CAMK1D: variants seen among roughly 807,000 people sequenced by gnomAD.
CAMK1D encodes the protein calcium/calmodulin-dependent protein kinase type 1D.
CAMK1D carries 9 observed loss-of-function variants against 47.7 expected under a neutral mutation model. That is an observed-to-expected ratio of 0.19 (90% CI 0.11 to 0.33). CAMK1D has a LOEUF of 0.33. Among genes scored for constraint, CAMK1D ranks in the 10% least tolerant of loss-of-function variants. The pLI is 1.00. For synonymous variants in CAMK1D, 184 were observed against 184.9 expected (o/e 0.99, Z 0.04); for missense variants, 291 against 488.7 (o/e 0.60, Z 3.81).
At chr10:12,619,664 A>G (rs969775589) in intron 2 of CAMK1D, among the ~76,000 whole-genome samples, 1 of 152,178 alleles carries the variant, frequency 6.6e-6, no homozygotes, top group Non-Finnish European at 1.5e-5. Flanking sequence ...TTCACATACA[A>G]TTATAAGAAA....
chr10:12,777,426 G>A (rs543466316), intron 5 of CAMK1D, among the ~76,000 whole-genome samples: 4 of 137,922 alleles, frequency 2.9e-5, no homozygotes, highest in African/African-American at 1.1e-4. Flanking sequence ...AGCCTGGAGT[G>A]CAGTGGCACG....
chr10:12,501,658 T>C (rs77088113), intron 1 of CAMK1D, among the ~76,000 whole-genome samples: 1 of 143,964 alleles, frequency 6.9e-6, no homozygotes, highest in African/African-American at 2.6e-5. Context: ...TGATTTTTTT[T>C]CCCGCCAGGG....
At chr10:12,399,505 A>C (rs1839095123) in intron 1 of CAMK1D, among the ~76,000 whole-genome samples, 1 of 147,074 alleles carries the variant, frequency 6.8e-6, no homozygotes, top group African/African-American at 2.6e-5. Flanking sequence ...CTCCGTCTGA[A>C]AAAAAAAAAA....
chr10:12,817,176 G>A (rs550658647), intron 8 of CAMK1D, among the ~76,000 whole-genome samples: 5 of 152,278 alleles, frequency 3.3e-5, no homozygotes, highest in African/African-American at 7.2e-5. Flanking sequence ...CCCACAACAC[G>A]TGGGAATTCA....
intron 10 of CAMK1D, among the ~76,000 whole-genome samples, chr10:12,828,233 G>C (rs1174264088): frequency 6.6e-6 from 1 of 152,280 alleles, no homozygotes; most frequent in East Asian, 1.9e-4. Context: ...CAAACACAAA[G>C]CAGTTAAAAT....
At position 12,635,464 on chromosome 10, in the gene CAMK1D, C is replaced by A. The variant is rs372830144; in HGVS notation, c.225-31272C>A. The stretch of plus-strand genomic sequence containing the variant: ...ATTCACCAATGGCTTGTTGAGTACC[C>A]CCTAAGCCCACGGCGCAGTGCAGGA... On this transcript the variant is annotated intron_variant, in intron 2 of 10. Coordinates refer to ENST00000619168, the MANE Select transcript of CAMK1D (RefSeq NM_153498.4). 1.1e-4 allele frequency among the ~76,000 whole-genome samples: 17 copies of A among 152,250 alleles called. No individual in the cohort carries two copies. In the South Asian group the frequency reaches 3.3e-3, roughly 30 times the overall value.
intron 1 of CAMK1D, among the ~76,000 whole-genome samples, chr10:12,361,594 G>C (rs113221014): frequency 0.061 from 7,891 of 129,838 alleles, 550 homozygotes; most frequent in African/African-American, 0.17. Flanking sequence ...CTCGCTCTGT[G>C]GCCCAGGCTG....
intron 5 of CAMK1D, among the ~76,000 whole-genome samples, chr10:12,773,757 G>A (rs905056851): frequency 8.5e-5 from 13 of 152,146 alleles, no homozygotes; most frequent in African/African-American, 3.1e-4. Context: ...AGCCAGGCAA[G>A]GTGGCAGGCG....
At chr10:12,387,627 C>T (rs1321695871) in intron 1 of CAMK1D, among the ~76,000 whole-genome samples, 2 of 149,508 alleles carry the variant, frequency 1.3e-5, no homozygotes, top group Admixed American at 6.7e-5. Flanking sequence ...CCACTTCAGC[C>T]TCCTGAGTAG....
chr10:12,612,116 C>G (rs149640003), intron 2 of CAMK1D, among the ~76,000 whole-genome samples: 13 of 151,698 alleles, frequency 8.6e-5, no homozygotes, highest in African/African-American at 3.2e-4. Context: ...GCTTTCTGTC[C>G]TCTCTTTCTC....
chr10:12,767,375 C>G (rs925996435), intron 4 of CAMK1D, among the ~76,000 whole-genome samples: 3 of 152,080 alleles, frequency 2.0e-5, no homozygotes, highest in African/African-American at 7.2e-5. Context: ...CGGGGTTTCT[C>G]CATGTTGGTC....
chr10:12,601,394 G>A (rs1313688108), intron 2 of CAMK1D, among the ~76,000 whole-genome samples: 3 of 152,118 alleles, frequency 2.0e-5, no homozygotes, highest in Non-Finnish European at 4.4e-5. Flanking sequence ...CTGTGACCTG[G>A]CACGTGTGTG....
At chr10:12,427,489 G>A (rs568517074) in intron 1 of CAMK1D, among the ~76,000 whole-genome samples, 1 of 152,036 alleles carries the variant, frequency 6.6e-6, no homozygotes, top group African/African-American at 2.4e-5. Flanking sequence ...AAGTGGCCTG[G>A]GTGACACCGT....
chr10:12,702,570 G>A (rs546202065), intron 3 of CAMK1D, among the ~76,000 whole-genome samples: 1 of 152,346 alleles, frequency 6.6e-6, no homozygotes, highest in East Asian at 1.9e-4. Flanking sequence ...AGTGTGGGCC[G>A]CACCTGTGCC....
rs562002804 is a variant in CAMK1D at position 12,801,966 on chromosome 10, A to G, written c.641+10733A>G. On this transcript the variant is annotated intron_variant, in intron 6 of 10. Coordinates refer to ENST00000619168, the MANE Select transcript of CAMK1D (RefSeq NM_153498.4). ...TCCTCTGACTTCCTGGCTGAGGAAG[A>G]CTTGCCACACAAGGAAAAAGTCGCC... 1.2e-4 allele frequency among the ~76,000 whole-genome samples: 18 copies of G among 152,286 alleles called. No homozygotes were observed. The South Asian group carries it at 3.5e-3, about 30-fold the overall frequency.
chr10:12,821,083 T>C (rs1394970890), intron 8 of CAMK1D, among the ~76,000 whole-genome samples: 1 of 152,206 alleles, frequency 6.6e-6, no homozygotes, highest in African/African-American at 2.4e-5. Flanking sequence ...ATCAAAAATT[T>C]GCAGGCCAGG....
intron 2 of CAMK1D, among the ~76,000 whole-genome samples, chr10:12,596,818 C>T (rs1468160061): frequency 6.6e-6 from 1 of 152,078 alleles, no homozygotes; most frequent in Non-Finnish European, 1.5e-5. Context: ...TCCCCCTTTC[C>T]CACCCACATT....
intron 3 of CAMK1D, among the ~76,000 whole-genome samples, chr10:12,698,097 T>C (rs1338027548): frequency 6.6e-6 from 1 of 152,216 alleles, no homozygotes. Context: ...ACATTATAAA[T>C]ACTACTCCGT....
chr10:12,809,553 AAGG>A (rs1309694323), intron 6 of CAMK1D, among the ~76,000 whole-genome samples: 1 of 152,240 alleles, frequency 6.6e-6, no homozygotes, highest in Non-Finnish European at 1.5e-5. Context: ...AGCCTTTAAA[AAGG>A]AGAGAATTCT....
Sources: gnomAD v4.1 joint callset for allele counts (sites outside exome capture counted in the v4.1 genomes callset) on GRCh38, gnomAD v4.1.1 for gene constraint, MANE v1.5 for transcripts, NCBI Gene and HGNC (gene_info 2026-07-23, HGNC 2026-07-21) for gene names.